The following CACNA1B variants were observed in gnomAD, a reference collection of about 807,000 sequenced individuals.
CACNA1B encodes the protein calcium voltage-gated channel subunit alpha1 B.
CACNA1B carries 70 observed loss-of-function variants against 247.2 expected under a neutral mutation model. The observed-to-expected ratio is 0.28, with a 90% CI of 0.23 to 0.35. CACNA1B has a LOEUF of 0.35. Among genes scored for constraint, CACNA1B ranks in the 10% least tolerant of loss-of-function variants. The probability of loss-of-function intolerance (pLI) is 1.00; values close to 1 mark genes in which losing one functional copy is unlikely to be tolerated. For missense variants in CACNA1B, 2,367 were observed against 3,197.4 expected (o/e 0.74, Z 6.26); for synonymous variants, 1,231 against 1,294.4 (o/e 0.95, Z 1.05).
chr9:137,916,085 G>C (rs1957407628), intron 5 of CACNA1B, among the ~76,000 whole-genome samples: 1 of 150,862 alleles, frequency 6.6e-6, no homozygotes, highest in Non-Finnish European at 1.5e-5. Context: ...CAGGCTGGGG[G>C]GCAGTGGTGC....
At chr9:138,008,426 G>C (rs755743223) in intron 16 of CACNA1B, among the ~76,000 whole-genome samples, 1 of 152,094 alleles carries the variant, frequency 6.6e-6, no homozygotes, top group Non-Finnish European at 1.5e-5. Flanking sequence ...AGGCCTCTGA[G>C]GTGTCAGTGG....
In CACNA1B at chr9:138,023,104, G is replaced by C. The variant is rs1371922865; in HGVS notation, c.2361G>C (p.Leu787=). 11 of 1,534,378 alleles carry C rather than the reference G, an allele frequency of 7.2e-6. No individual in the cohort carries two copies. Among genetic ancestry groups the C allele is most frequent in the Non-Finnish European group, 9.6e-6 (11 of 1,147,512 alleles). Residue 787 remains leucine, a synonymous_variant, in exon 19 of 47, where the codon CTG becomes CTC. Coordinates refer to ENST00000371372, the MANE Select transcript of CACNA1B (RefSeq NM_000718.4). ...LQNLRASCEA[L]YSEMDPEERL... is the part of the protein sequence containing the mutation. ...ACCTGCGGGCCAGCTGCGAGGCGCT[G>C]TACAGCGAGATGGACCCCGAGGAGC... is the stretch of plus-strand genomic sequence containing the variant.
rs750199564 is a variant in CACNA1B at position 138,052,235 on chromosome 9, C to CGTGTGTGT, written c.3807+53_3807+60dup. 6.0e-4 allele frequency: 566 copies of CGTGTGTGT among 948,744 alleles called. 2 individuals carry two copies. The South Asian group carries it at 7.1e-3, about 12-fold the overall frequency. The allele number at this position is 948,744 out of a possible 1,614,324, so 58.8% of individuals were successfully genotyped here. The stretch of plus-strand genomic sequence containing the variant: ...TTGAGGGATGTGCTGTGTGTGTGTG[C>CGTGTGTGT]GTGTGTGTGTGTGCGTGTGTGTGTG... On this transcript the variant is annotated intron_variant, in intron 25 of 46. Transcript: ENST00000371372. This position sits in a 1 kb window ranked among gnomAD's most constrained non-coding sequence, Gnocchi z 5.1.
At position 137,882,590 on chromosome 9, in the gene CACNA1B, G is replaced by T. The variant is rs1452312275; in HGVS notation, c.391-154G>T. On this transcript the variant is annotated intron_variant, in intron 2 of 46. Transcript: ENST00000371372. This position sits in a 1 kb window ranked among gnomAD's most constrained non-coding sequence, Gnocchi z 4.0. ...TCAGTGATGGGAATGGCTCCTTGGA[G>T]AATCTGCAGGGTGTTGGGGGCAAGG... 6.6e-6 allele frequency among the ~76,000 whole-genome samples: 1 copy of T among 152,170 alleles called. No homozygotes were observed. Among genetic ancestry groups the T allele is most frequent in the East Asian group, 1.9e-4 (1 of 5,180 alleles).
chr9:137,903,111 C>T (rs751328184), intron 3 of CACNA1B, among the ~76,000 whole-genome samples: 60 of 152,150 alleles, frequency 3.9e-4, no homozygotes, highest in Non-Finnish European at 7.9e-4. Flanking sequence ...AACTCTTCAC[C>T]GGTGGCTCAC....
intron 6 of CACNA1B, among the ~76,000 whole-genome samples, chr9:137,927,344 T>C (rs886688896): frequency 6.6e-6 from 1 of 151,948 alleles, no homozygotes; most frequent in Non-Finnish European, 1.5e-5. Flanking sequence ...TGCCTCAGCC[T>C]CCTGAGTAGC....
intron 3 of CACNA1B, among the ~76,000 whole-genome samples, chr9:137,909,181 G>A (rs1957333302): frequency 6.6e-6 from 1 of 151,838 alleles, no homozygotes; most frequent in Non-Finnish European, 1.5e-5. Context: ...GTAGAGACGG[G>A]GTTTCTCCAT....
intron 3 of CACNA1B, among the ~76,000 whole-genome samples, chr9:137,900,097 T>C (rs1219996257): frequency 6.6e-6 from 1 of 152,092 alleles, no homozygotes; most frequent in Non-Finnish European, 1.5e-5. Flanking sequence ...ATGGCTGGGC[T>C]GTGAAGTGTG....
At chr9:138,104,541 G>A (rs981507915) in intron 38 of CACNA1B, among the ~76,000 whole-genome samples, 3 of 152,218 alleles carry the variant, frequency 2.0e-5, no homozygotes, top group Non-Finnish European at 2.9e-5. Flanking sequence ...CGTGGCAAGT[G>A]GGGCTTTGCC....
chr9:137,896,068 T>A (rs1957168719), intron 3 of CACNA1B, among the ~76,000 whole-genome samples: 1 of 152,036 alleles, frequency 6.6e-6, no homozygotes, highest in African/African-American at 2.4e-5. Flanking sequence ...TGAAACCCTG[T>A]CTCTACTAAA....
chr9:138,114,170 G>A (rs1039388286), intron 40 of CACNA1B, among the ~76,000 whole-genome samples: 2 of 152,172 alleles, frequency 1.3e-5, no homozygotes, highest in Non-Finnish European at 2.9e-5. Flanking sequence ...AGGAGGGCCA[G>A]GTCAGCATCT....
chr9:137,887,159 AGAGGCCTC>A (rs1328224074), intron 3 of CACNA1B, among the ~76,000 whole-genome samples: 5 of 151,970 alleles, frequency 3.3e-5, no homozygotes, highest in African/African-American at 1.2e-4. Context: ...AAGAGCATGC[AGAGGCCTC>A]TGCAGAGGCC....
At chr9:138,006,036 C>T (rs1958644376) in intron 15 of CACNA1B, among the ~76,000 whole-genome samples, 3 of 129,874 alleles carry the variant, frequency 2.3e-5, no homozygotes, top group African/African-American at 9.9e-5. Context: ...GAGTAAGACT[C>T]CATGTCAAAA....
At chr9:137,912,085 T>C (rs1391066738) in intron 3 of CACNA1B, among the ~76,000 whole-genome samples, 1 of 152,250 alleles carries the variant, frequency 6.6e-6, no homozygotes, top group Admixed American at 6.5e-5. Context: ...AATTCTTTAG[T>C]TGTGTAATGT....
At chr9:137,953,916 G>C (rs974861553) in intron 7 of CACNA1B, among the ~76,000 whole-genome samples, 6 of 152,124 alleles carry the variant, frequency 3.9e-5, no homozygotes, top group African/African-American at 1.4e-4. Context: ...AACGCTGCCT[G>C]GTGGGAAGCC....
intron 6 of CACNA1B, among the ~76,000 whole-genome samples, chr9:137,935,966 C>T (rs371792275): frequency 6.6e-6 from 1 of 152,214 alleles, no homozygotes; most frequent in African/African-American, 2.4e-5. Context: ...ACGCCATTCT[C>T]CTGCCTCAGC....
intron 39 of CACNA1B, among the ~76,000 whole-genome samples, chr9:138,108,734 T>C (rs927611973): frequency 6.6e-6 from 1 of 152,106 alleles, no homozygotes; most frequent in Non-Finnish European, 1.5e-5. Flanking sequence ...CTACAAGCTC[T>C]GCCTCCTGGG....
At chr9:137,964,603 A>G (rs1399804053) in intron 10 of CACNA1B, among the ~76,000 whole-genome samples, 1 of 152,078 alleles carries the variant, frequency 6.6e-6, no homozygotes, top group Non-Finnish European at 1.5e-5. Flanking sequence ...TTGTTTTATC[A>G]TGATTGTTAG....
At chr9:137,980,697 T>C (rs1958284018) in intron 12 of CACNA1B, among the ~76,000 whole-genome samples, 1 of 152,214 alleles carries the variant, frequency 6.6e-6, no homozygotes, top group Non-Finnish European at 1.5e-5. Flanking sequence ...CCACTGTCTA[T>C]TGTTCCCTTC....
Sources: allele counts gnomAD v4.1 joint callset (sites outside exome capture counted in the v4.1 genomes callset), GRCh38; gene constraint gnomAD v4.1.1; non-coding constraint Gnocchi (gnomAD v3.1); transcripts MANE v1.5; gene names NCBI Gene and HGNC (gene_info 2026-07-23, HGNC 2026-07-21).